Variants in COBLL1 observed in about 807,000 individuals in gnomAD.
COBLL1 encodes cordon-bleu protein-like 1.
A neutral mutation model predicts 94.8 loss-of-function variants in COBLL1; 50 were observed. The ratio of observed to expected loss-of-function variants is 0.53; its 90% CI spans 0.42 to 0.67. COBLL1 has a LOEUF of 0.67. Among genes scored for constraint, COBLL1 ranks in the 30% least tolerant of loss-of-function variants. The probability of loss-of-function intolerance (pLI) is 0.00; values close to 1 mark genes in which losing one functional copy is unlikely to be tolerated. For missense variants in COBLL1, 1,362 were observed against 1,348.7 expected, an observed-to-expected ratio of 1.01 and a Z score of -0.15; for synonymous variants, 448 against 473.8, an observed-to-expected ratio of 0.95 and a Z score of 0.71.
upstream of COBLL1, chr2:164,842,073 G>C (rs1011014680): frequency 1.3e-6 from 2 of 1,485,904 alleles, no homozygotes; most frequent in African/African-American, 2.8e-5. Flanking sequence ...GAGCCGGAGA[G>C]AGGAACGGGG....
intron 7 of COBLL1, among the ~76,000 whole-genome samples, chr2:164,712,342 G>T (rs1382744974): frequency 2.0e-5 from 3 of 152,034 alleles, no homozygotes; most frequent in African/African-American, 7.2e-5. Context: ...AGAATCTGTT[G>T]GTTCTGTTTA....
intron 5 of COBLL1, among the ~76,000 whole-genome samples, chr2:164,727,714 T>C (rs1217180571): frequency 6.7e-6 from 1 of 150,258 alleles, no homozygotes; most frequent in Non-Finnish European, 1.5e-5. Flanking sequence ...AAAGAAAAAA[T>C]ATAAATTGTG....
At chr2:164,777,539 C>T (rs1207794274) in intron 2 of COBLL1, among the ~76,000 whole-genome samples, 1 of 152,174 alleles carries the variant, frequency 6.6e-6, no homozygotes, top group Non-Finnish European at 1.5e-5. Context: ...CACAGGAATG[C>T]TGCTATATAC....
intron 7 of COBLL1, among the ~76,000 whole-genome samples, chr2:164,712,197 A>G (rs1684932556): frequency 6.6e-6 from 1 of 152,188 alleles, no homozygotes; most frequent in Admixed American, 6.5e-5. Context: ...TCATAGTTGA[A>G]TTATAAAAAG....
At chr2:164,702,955 C>T (rs1684387075) in intron 9 of COBLL1, 1 of 623,236 alleles carries the variant, frequency 1.6e-6, no homozygotes, top group African/African-American at 1.9e-5. Flanking sequence ...ACTCTACACC[C>T]AGATAAAATT....
At chr2:164,812,047 T>C (rs2105340982) in intron 2 of COBLL1, among the ~76,000 whole-genome samples, 1 of 152,020 alleles carries the variant, frequency 6.6e-6, no homozygotes, top group South Asian at 2.1e-4. Context: ...TGACAACCCA[T>C]TTCAAACTAA....
chr2:164,682,291 T>TA lies in COBLL1; in HGVS notation c.*3654dup, dbSNP rs1240509227. ...CCCTGGAAATCTTCACTATGACCTC[T>TA]AATTGCAAGTTCTTTTCTTTCAAGT... On this transcript the variant is annotated 3_prime_UTR_variant, in exon 14 of 14. Coordinates refer to ENST00000652658, the MANE Select transcript of COBLL1 (RefSeq NM_001365672.2). 3.9e-5 allele frequency: 6 copies of TA among 152,224 alleles called. No individual in the cohort carries two copies. The highest frequency in any genetic ancestry group is 8.8e-5 in the Non-Finnish European group (6 of 68,032). The allele number at this position is 152,224 out of a possible 1,614,324, so 9.4% of individuals were successfully genotyped here.
At chr2:164,714,501 A>G (rs1245597230) in intron 7 of COBLL1, among the ~76,000 whole-genome samples, 1 of 152,072 alleles carries the variant, frequency 6.6e-6, no homozygotes, top group Non-Finnish European at 1.5e-5. Flanking sequence ...GTTTTTAGCC[A>G]CAGGGTAGGA....
intron 1 of COBLL1, among the ~76,000 whole-genome samples, chr2:164,674,543 G>T (rs1691304529): frequency 6.6e-6 from 1 of 152,096 alleles, no homozygotes; most frequent in Admixed American, 6.6e-5. Flanking sequence ...TAAGACAGAG[G>T]TAATAATAAT....
chr2:164,818,241 T>A (rs922088711), intron 2 of COBLL1, among the ~76,000 whole-genome samples: 2 of 150,360 alleles, frequency 1.3e-5, no homozygotes, highest in African/African-American at 4.9e-5. Context: ...TGCATGTATG[T>A]ATACATGTGC....
intron 1 of COBLL1, among the ~76,000 whole-genome samples, chr2:164,674,456 T>C (rs1482089160): frequency 3.3e-5 from 5 of 152,204 alleles, no homozygotes; most frequent in Admixed American, 1.3e-4. Context: ...AGAGTCAAAA[T>C]GCCTGGGTTC....
chr2:164,703,070 C>G (rs1004039028), intron 9 of COBLL1: 1 of 1,311,446 alleles, frequency 7.6e-7, no homozygotes, highest in Non-Finnish European at 1.1e-6. Context: ...CTGCCTGACA[C>G]AAAGCACCAG....
chr2:164,674,123 T>G (rs1443690029), intron 1 of COBLL1, among the ~76,000 whole-genome samples: 1 of 152,150 alleles, frequency 6.6e-6, no homozygotes, highest in African/African-American at 2.4e-5. Context: ...TGCAGTGGCG[T>G]AATCTTGGCT....
At chr2:164,797,043 TTGAAACAATTTC>T (rs1683499277) in intron 2 of COBLL1, among the ~76,000 whole-genome samples, 1 of 152,206 alleles carries the variant, frequency 6.6e-6, no homozygotes, top group Non-Finnish European at 1.5e-5. Context: ...AAAATATTAA[TTGAAACAATTTC>T]ACATTTGGTA....
chr2:164,809,557 G>A (rs921726088), intron 2 of COBLL1, among the ~76,000 whole-genome samples: 6 of 151,818 alleles, frequency 4.0e-5, no homozygotes, highest in African/African-American at 1.4e-4. Flanking sequence ...CAACTCTCAG[G>A]GTATTAAGGA....
At chr2:164,829,721 G>T in intron 2 of COBLL1, among the ~76,000 whole-genome samples, 1 of 152,072 alleles carries the variant, frequency 6.6e-6, no homozygotes, top group East Asian at 1.9e-4. Context: ...AAATCTCCCA[G>T]ATTTTCCAGT....
chr2:164,792,443 T>TC (rs1442390889), intron 2 of COBLL1, among the ~76,000 whole-genome samples: 5 of 152,224 alleles, frequency 3.3e-5, no homozygotes, highest in Middle Eastern at 3.4e-3. Context: ...GGCTCTTGGC[T>TC]CTCCTTGGGG....
intron 2 of COBLL1, among the ~76,000 whole-genome samples, chr2:164,665,517 A>T (rs2105384404): frequency 6.6e-6 from 1 of 152,082 alleles, no homozygotes; most frequent in Admixed American, 6.5e-5. Flanking sequence ...TACTTCAAAA[A>T]GATTGAAAAC....
Position 164,727,929 on chromosome 2 carries a change from A to G in COBLL1, c.661+40T>C, listed in dbSNP as rs375462995. On this transcript the variant is annotated intron_variant, in intron 5 of 13. Coordinates refer to ENST00000652658, the MANE Select transcript of COBLL1 (RefSeq NM_001365672.2). ...ACAATGCACAAACATATACAAATAT[A>G]CACATCCCACTAAATAAATAAAATA... 4.9e-5 allele frequency: 66 copies of G among 1,339,990 alleles called. No homozygotes were observed. The African/African-American group carries it at 7.8e-4, about 16-fold the overall frequency. 83.0% of individuals were successfully genotyped at this position (1,339,990 alleles called of 1,614,324 possible). A position where few individuals can be genotyped will look rare whatever the true frequency, so the allele number is the denominator to read the frequency against.
Sources: allele counts gnomAD v4.1 joint callset (sites outside exome capture counted in the v4.1 genomes callset), GRCh38; gene constraint gnomAD v4.1.1; transcripts MANE v1.5; gene names NCBI Gene and HGNC (gene_info 2026-07-23, HGNC 2026-07-21).